Variants in CDKAL1 observed in about 807,000 individuals in gnomAD.
CDKAL1 encodes the protein CDKAL1 threonylcarbamoyladenosine tRNA methylthiotransferase.
A neutral mutation model predicts 68.2 loss-of-function variants in CDKAL1; 32 were observed. The observed-to-expected ratio is 0.47, with a 90% CI of 0.35 to 0.63. The LOEUF (loss-of-function observed/expected upper bound fraction) is 0.63, where lower values mean the gene tolerates loss of function less well. Ranked by LOEUF, CDKAL1 falls within the 30% of genes least tolerant of loss-of-function variation. The pLI is 0.00. For missense variants in CDKAL1, 606 were observed against 696.7 expected (o/e 0.87, Z 1.47); for synonymous variants, 234 against 244.3 (o/e 0.96, Z 0.39).
intron 5 of CDKAL1, among the ~76,000 whole-genome samples, chr6:20,730,086 G>A (rs1008078175): frequency 5.9e-5 from 9 of 152,096 alleles, no homozygotes; most frequent in African/African-American, 1.7e-4. Flanking sequence ...TTGGGATGCC[G>A]AGATGGACAG....
intron 13 of CDKAL1, among the ~76,000 whole-genome samples, chr6:21,111,547 GTTGT>G (rs1246897862): frequency 2.6e-5 from 4 of 152,192 alleles, no homozygotes; most frequent in African/African-American, 9.7e-5. Context: ...AAACAAACGT[GTTGT>G]TTGAGTGAGC....
chr6:21,144,524 G>A (rs956832662), intron 13 of CDKAL1, among the ~76,000 whole-genome samples: 4 of 151,752 alleles, frequency 2.6e-5, no homozygotes, highest in East Asian at 3.9e-4. Context: ...GGTGGCCCAC[G>A]TATGTAATCC....
At chr6:20,999,455 ACTCT>A (rs555789707) in intron 10 of CDKAL1, among the ~76,000 whole-genome samples, 1 of 149,576 alleles carries the variant, frequency 6.7e-6, no homozygotes, top group Admixed American at 6.6e-5. Flanking sequence ...ATTTTTAAAC[ACTCT>A]CTGAGTTTTT....
intron 9 of CDKAL1, among the ~76,000 whole-genome samples, chr6:20,879,022 T>A (rs1760680771): frequency 6.6e-6 from 1 of 151,246 alleles, no homozygotes; most frequent in African/African-American, 2.4e-5. Flanking sequence ...GAGGTTGCAG[T>A]GAGCCGAGAT....
intron 15 of CDKAL1, among the ~76,000 whole-genome samples, chr6:21,226,544 A>G (rs1400623341): frequency 1.3e-5 from 2 of 152,252 alleles, no homozygotes; most frequent in Non-Finnish European, 2.9e-5. Context: ...TAACAGGATA[A>G]ATAACTCCAT....
At chr6:20,890,814 A>T (rs745805008) in intron 9 of CDKAL1, among the ~76,000 whole-genome samples, 23 of 152,244 alleles carry the variant, frequency 1.5e-4, no homozygotes, top group Non-Finnish European at 2.9e-4. Context: ...ACAAGAAGTA[A>T]TTCTTACTGG....
chr6:20,706,724 C>A (rs1228401234), intron 5 of CDKAL1, among the ~76,000 whole-genome samples: 1 of 152,178 alleles, frequency 6.6e-6, no homozygotes, highest in African/African-American at 2.4e-5. Context: ...GTTTCACCTG[C>A]TGCTCTCTTT....
chr6:20,611,192 A>G (rs754471742), intron 4 of CDKAL1, among the ~76,000 whole-genome samples: 5 of 152,282 alleles, frequency 3.3e-5, no homozygotes, highest in East Asian at 3.9e-4. Flanking sequence ...GTGAATGTCT[A>G]TTCAGCTACT....
intron 9 of CDKAL1, among the ~76,000 whole-genome samples, chr6:20,858,322 G>A (rs1485227771): frequency 6.9e-6 from 1 of 145,422 alleles, no homozygotes; most frequent in Non-Finnish European, 1.6e-5. Context: ...ATTCTGTATT[G>A]ACTTTTTTTT....
chr6:20,880,599 G>A lies in CDKAL1; in HGVS notation c.742+34421G>A, dbSNP rs145695610. Among the ~76,000 whole-genome samples, 386 of 152,112 alleles carry A rather than the reference G, an allele frequency of 2.5e-3. 4 individuals are homozygous for A. The highest frequency in any genetic ancestry group is 8.9e-3 in the African/African-American group (369 of 41,516). ...GTTATTATAATATTTAAATATATAA[G>A]TAAAATGCCACCATATATCATAATA... On this transcript the variant is annotated intron_variant, in intron 9 of 15. Transcript: ENST00000274695.
chr6:20,596,142 G>C (rs750024344), intron 4 of CDKAL1, among the ~76,000 whole-genome samples: 1 of 152,204 alleles, frequency 6.6e-6, no homozygotes, highest in Non-Finnish European at 1.5e-5. Flanking sequence ...CGAGGATCAG[G>C]GACCCACTTG....
intron 10 of CDKAL1, among the ~76,000 whole-genome samples, chr6:20,993,796 T>G (rs971855273): frequency 2.0e-5 from 3 of 152,236 alleles, no homozygotes; most frequent in Non-Finnish European, 4.4e-5. Flanking sequence ...TGATTATCAC[T>G]TTGTAAGATG....
chr6:20,981,958 C>G (rs1766172809), intron 10 of CDKAL1, among the ~76,000 whole-genome samples: 3 of 152,110 alleles, frequency 2.0e-5, no homozygotes, highest in African/African-American at 7.2e-5. Context: ...TAGCTGTCTT[C>G]TATATTTGCA....
intron 12 of CDKAL1, among the ~76,000 whole-genome samples, chr6:21,107,953 C>G (rs1459011499): frequency 6.6e-6 from 1 of 152,170 alleles, no homozygotes; most frequent in Non-Finnish European, 1.5e-5. Context: ...CAGACAGACC[C>G]AAGCTGTAAC....
At chr6:21,161,245 G>A (rs895864119) in intron 13 of CDKAL1, among the ~76,000 whole-genome samples, 2 of 151,952 alleles carry the variant, frequency 1.3e-5, no homozygotes, top group Non-Finnish European at 2.9e-5. Context: ...CCCCTCCAAC[G>A]ATATCGTATG....
Position 20,963,135 on chromosome 6 carries a change from G to A in CDKAL1, c.909+7550G>A, listed in dbSNP as rs190824923. ...ACAGCCTCTCTGGAAGGGAGGATGT[G>A]GATGAAAGGAATGTCCTTTCTTGCC... On this transcript the variant is annotated intron_variant, in intron 10 of 15. Coordinates refer to ENST00000274695, the MANE Select transcript of CDKAL1 (RefSeq NM_017774.3). 3.3e-5 allele frequency among the ~76,000 whole-genome samples: 5 copies of A among 152,220 alleles called. No homozygotes were observed. The East Asian group carries it at 9.6e-4, about 29-fold the overall frequency.
At chr6:20,828,893 A>C (rs1422454191) in intron 8 of CDKAL1, among the ~76,000 whole-genome samples, 1 of 152,084 alleles carries the variant, frequency 6.6e-6, no homozygotes, top group Non-Finnish European at 1.5e-5. Context: ...CTCTGTCTCT[A>C]TGAACTTGAC....
At chr6:20,727,941 C>T (rs1000829243) in intron 5 of CDKAL1, among the ~76,000 whole-genome samples, 5 of 152,108 alleles carry the variant, frequency 3.3e-5, no homozygotes, top group Non-Finnish European at 7.4e-5. Context: ...ATTCTAATTT[C>T]AAGGCAGTTT....
intron 6 of CDKAL1, among the ~76,000 whole-genome samples, chr6:20,740,532 G>A (rs2150325589): frequency 6.6e-6 from 1 of 152,206 alleles, no homozygotes; most frequent in African/African-American, 2.4e-5. Context: ...CAGCAATGTT[G>A]TTTGTTTAAA....
Sources: allele counts gnomAD v4.1 joint callset (sites outside exome capture counted in the v4.1 genomes callset), GRCh38; gene constraint gnomAD v4.1.1; transcripts MANE v1.5; gene names NCBI Gene and HGNC (gene_info 2026-07-23, HGNC 2026-07-21).